MANEA: variants seen among roughly 807,000 people sequenced by gnomAD.
The protein encoded by MANEA is mannosidase endo-alpha, also known as glycoprotein endo-alpha-1,2-mannosidase.
A neutral mutation model predicts 36.8 loss-of-function variants in MANEA; 25 were observed. The observed-to-expected ratio is 0.68, with a 90% CI of 0.50 to 0.95. The LOEUF (loss-of-function observed/expected upper bound fraction) is 0.95, where lower values mean the gene tolerates loss of function less well. MANEA is among the 40% of genes least tolerant of loss of function. The pLI, the probability that MANEA is intolerant of heterozygous loss-of-function variation, is 0.00. For synonymous variants in MANEA, 198 were observed against 188.5 expected (o/e 1.05, Z -0.41); for missense variants, 565 against 558.8 (o/e 1.01, Z -0.11).
At chr6:95,600,507 C>T (rs4486026) in intron 3 of MANEA, among the ~76,000 whole-genome samples, 90,762 of 151,978 alleles carry the variant, frequency 0.6, 27,515 homozygotes, top group East Asian at 0.87. Flanking sequence ...TTTTTCCTAA[C>T]TCAATAAAAT....
At chr6:95,581,663 C>T (rs774902420) in intron 1 of MANEA, among the ~76,000 whole-genome samples, 5 of 152,156 alleles carry the variant, frequency 3.3e-5, no homozygotes, top group Admixed American at 6.5e-5. Flanking sequence ...CCCAGGATCA[C>T]ACAACTAAGT....
chr6:95,590,291 A>G (rs1769364352), intron 2 of MANEA: 1 of 152,158 alleles, frequency 6.6e-6, no homozygotes, highest in Non-Finnish European at 1.5e-5. Flanking sequence ...TTATCTTCCC[A>G]TTGTTTCAGT....
chr6:95,587,005 A>G lies in MANEA; in HGVS notation c.544+22A>G, dbSNP rs78175628. The G allele has an allele frequency of 2.0e-4, 269 of 1,336,816 alleles. No homozygotes were observed. Among genetic ancestry groups the G allele is most frequent in the Non-Finnish European group, 2.0e-4 (186 of 939,450 alleles). The allele number at this position is 1,336,816 out of a possible 1,614,324, so 82.8% of individuals were successfully genotyped here. ...ATTGGTAATTATTGTATATATATAT[A>G]TGTGTGTTTGTGTCTGTATATATGC... is the stretch of plus-strand genomic sequence containing the variant. On this transcript the variant is annotated intron_variant, in intron 2 of 4. Coordinates refer to ENST00000358812, the MANE Select transcript of MANEA (RefSeq NM_024641.4).
At chr6:95,587,849 C>T (rs2127939839) in intron 2 of MANEA, among the ~76,000 whole-genome samples, 1 of 152,116 alleles carries the variant, frequency 6.6e-6, no homozygotes, top group Non-Finnish European at 1.5e-5. Context: ...ATTTGTCCCA[C>T]ACGTCTGTTT....
At position 95,608,496 on chromosome 6, in the gene MANEA, G is replaced by C. The variant is rs1769758513; in HGVS notation, c.*2091G>C. On this transcript the variant is annotated 3_prime_UTR_variant, in exon 5 of 5. Coordinates refer to ENST00000358812, the MANE Select transcript of MANEA (RefSeq NM_024641.4). ...ACAGCATACTTCATCTCTGAGCTTT[G>C]TTGTGATTCCTCAACACATTACCCT... The C allele has an allele frequency of 6.6e-6, 1 of 151,796 alleles. No individual in the cohort carries two copies. The highest frequency in any genetic ancestry group is 1.5e-5 in the Non-Finnish European group (1 of 67,768). 9.4% of individuals were successfully genotyped at this position (151,796 alleles called of 1,614,324 possible). A position where few individuals can be genotyped will look rare whatever the true frequency, so the allele number is the denominator to read the frequency against.
chr6:95,602,076 TGAATTCATGGCAGAAACTTTGG>T (rs1482405328), intron 3 of MANEA, among the ~76,000 whole-genome samples: 1 of 152,208 alleles, frequency 6.6e-6, no homozygotes, highest in Non-Finnish European at 1.5e-5. Context: ...ATGAATATTG[TGAATTCATGGCAGAAACTTTGG>T]GAATCTTACC....
At chr6:95,591,244 T>C (rs1221512858) in intron 2 of MANEA, among the ~76,000 whole-genome samples, 1 of 152,198 alleles carries the variant, frequency 6.6e-6, no homozygotes, top group East Asian at 1.9e-4. Context: ...AAAAATTTCT[T>C]TTATCTTGTT....
Position 95,586,849 on chromosome 6 carries a change from A to C in MANEA, c.410A>C (p.Lys137Thr). ...GAGCATTGGGACCCTAGAATAGCCA[A>C]GAATTATCCACAAGGGAGACACAAC... is the stretch of plus-strand genomic sequence containing the variant. ...VLEHWDPRIA[K>T]NYPQGRHNPP... Residue 137 changes from lysine (K) to threonine (T), a missense_variant, in exon 2 of 5, where the codon AAG becomes ACG. By Grantham distance (78) the Lys-to-Thr change is moderately conservative. Coordinates refer to ENST00000358812, the MANE Select transcript of MANEA (RefSeq NM_024641.4). The C allele has an allele frequency of 6.2e-7, 1 of 1,613,984 alleles. No homozygotes were observed. Among genetic ancestry groups the C allele is most frequent in the Non-Finnish European group, 8.5e-7 (1 of 1,179,878 alleles).
At position 95,606,428 on chromosome 6, in the gene MANEA, T is replaced by C. The variant is rs1292272321; in HGVS notation, c.*23T>C. On this transcript the variant is annotated 3_prime_UTR_variant, in exon 5 of 5. Coordinates refer to ENST00000358812, the MANE Select transcript of MANEA (RefSeq NM_024641.4). ...TAATGCATTGATTAAAGTTTAATAG[T>C]TATCAAAATCACCTAATTTTTAAAA... is the stretch of plus-strand genomic sequence containing the variant. The C allele has an allele frequency of 1.3e-6, 2 of 1,515,512 alleles. No homozygotes were observed. The highest frequency in any genetic ancestry group is 2.2e-5 in the Admixed American group (1 of 46,260). The allele number at this position is 1,515,512 out of a possible 1,614,324, so 93.9% of individuals were successfully genotyped here.
rs1413035382 is a variant in MANEA at position 95,586,627 on chromosome 6, AG to A, written c.189del (p.Ser64ValfsTer13). 2.5e-6 allele frequency: 4 copies of A among 1,613,996 alleles called. No individual in the cohort carries two copies. Among genetic ancestry groups the A allele is most frequent in the Non-Finnish European group, 3.4e-6 (4 of 1,180,016 alleles). ...TTGGGGAAAAATTTTGATTTCCAAA[AG>A]AGTGACAGAATCAACAGTGAAACAA... The part of the protein sequence containing the change: ...IHLGKNFDFQ[K>X]SDRINSETNT... On this transcript the variant is annotated frameshift_variant, in exon 2 of 5. Coordinates refer to ENST00000358812, the MANE Select transcript of MANEA (RefSeq NM_024641.4). LOFTEE classifies it high-confidence loss of function.
rs1345142981 is a variant in MANEA, at chr6:95,607,241, T to C, written c.*836T>C. 1 of 152,152 alleles carries C rather than the reference T, an allele frequency of 6.6e-6. No homozygotes were observed. The highest frequency in any genetic ancestry group is 1.5e-5 in the Non-Finnish European group (1 of 68,000). 9.4% of individuals were successfully genotyped at this position (152,152 alleles called of 1,614,324 possible). ...CTCAGTTATTAGGAAAACAGTTGTT[T>C]CACAATTATTATGTAGATATGATGC... On this transcript the variant is annotated 3_prime_UTR_variant, in exon 5 of 5. Transcript: ENST00000358812.
chr6:95,590,969 T>G (rs2127940997), intron 2 of MANEA, among the ~76,000 whole-genome samples: 1 of 152,328 alleles, frequency 6.6e-6, no homozygotes, highest in South Asian at 2.1e-4. Context: ...CCTCACTCTC[T>G]CTCTTTGCAA....
intron 2 of MANEA, among the ~76,000 whole-genome samples, chr6:95,591,714 AT>A (rs1769388295): frequency 6.6e-6 from 1 of 151,752 alleles, no homozygotes; most frequent in Non-Finnish European, 1.5e-5. Context: ...TTATTGTTTT[AT>A]GAGATGGAGT....
chr6:95,591,476 T>TA (rs1202750087), intron 2 of MANEA, among the ~76,000 whole-genome samples: 5 of 152,128 alleles, frequency 3.3e-5, no homozygotes, highest in Non-Finnish European at 5.9e-5. Flanking sequence ...TTTTATATCC[T>TA]CATTTTCTTG....
intron 2 of MANEA, among the ~76,000 whole-genome samples, chr6:95,589,485 C>T (rs1365864448): frequency 1.3e-5 from 2 of 152,012 alleles, no homozygotes; most frequent in East Asian, 3.8e-4. Flanking sequence ...GGCATAAATC[C>T]TAATGGCTCA....
intron 1 of MANEA, among the ~76,000 whole-genome samples, chr6:95,577,860 G>C (rs960755170): frequency 6.6e-5 from 10 of 152,248 alleles, no homozygotes; most frequent in Non-Finnish European, 2.9e-5. Flanking sequence ...TCTTAGGCCT[G>C]TTTTAGTCTG....
chr6:95,589,397 T>A (rs1174381338), intron 2 of MANEA, among the ~76,000 whole-genome samples: 1 of 152,166 alleles, frequency 6.6e-6, no homozygotes, highest in African/African-American at 2.4e-5. Flanking sequence ...TAAGTTGAAT[T>A]GCTGTGTGAA....
chr6:95,587,164 C>T (rs997542241), intron 2 of MANEA, 181 bp downstream of exon 2: 12 of 539,330 alleles, frequency 2.2e-5, no homozygotes, highest in African/African-American at 9.6e-5. Flanking sequence ...TAACACTGCC[C>T]TTAGTGTATA....
chr6:95,585,877 C>T (rs781729219), intron 1 of MANEA, among the ~76,000 whole-genome samples: 1 of 151,894 alleles, frequency 6.6e-6, no homozygotes, highest in Non-Finnish European at 1.5e-5. Context: ...AATTTTAGTT[C>T]AGGCCAGGTG....
Sources: gnomAD v4.1 joint callset for allele counts (sites outside exome capture counted in the v4.1 genomes callset) on GRCh38, gnomAD v4.1.1 for gene constraint, MANE v1.5 for transcripts, NCBI Gene and HGNC (gene_info 2026-07-23, HGNC 2026-07-21) for gene names.